The following PRPF6 variants were observed in gnomAD, a reference collection of about 807,000 sequenced individuals.
PRPF6 encodes the protein pre-mRNA-processing factor 6.
A neutral mutation model predicts 118.3 loss-of-function variants in PRPF6; 42 were observed. The ratio of observed to expected loss-of-function variants is 0.35; its 90% CI spans 0.28 to 0.46. PRPF6 has a LOEUF of 0.46. PRPF6 is among the 20% of genes least tolerant of loss of function. The pLI is 1.00. For synonymous variants in PRPF6, 481 were observed against 485.1 expected, an observed-to-expected ratio of 0.99 and a Z score of 0.11; for missense variants, 662 against 1,255.7, an observed-to-expected ratio of 0.53 and a Z score of 7.15.
At chr20:63,997,725 G>A (rs919645508) in intron 6 of PRPF6, among the ~76,000 whole-genome samples, 7 of 152,198 alleles carry the variant, frequency 4.6e-5, no homozygotes, top group Non-Finnish European at 1.0e-4. Flanking sequence ...AGGATGCTGG[G>A]ATTAGAAGTG....
Position 64,028,698 on chromosome 20 carries a change from G to T in PRPF6, c.2431+129G>T. 1 of 958,500 alleles carries T rather than the reference G, an allele frequency of 1.0e-6. No individual in the cohort carries two copies. Among genetic ancestry groups the T allele is most frequent in the Non-Finnish European group, 1.6e-6 (1 of 629,184 alleles). The allele number at this position is 958,500 out of a possible 1,614,324, so 59.4% of individuals were successfully genotyped here. ...GCTGGCACTTCCTGAGGGAGTGGGG[G>T]CTCAGGCTTCAGACGGACTTTATTA... On this transcript the variant is annotated intron_variant, in intron 18 of 20. Coordinates refer to ENST00000266079, the MANE Select transcript of PRPF6 (RefSeq NM_012469.4). The surrounding 1 kb of genome is among the most constrained non-coding windows in gnomAD (Gnocchi z 6.5).
At chr20:64,015,793 G>A (rs192198615) in intron 11 of PRPF6, among the ~76,000 whole-genome samples, 48 of 152,262 alleles carry the variant, frequency 3.2e-4, no homozygotes, top group African/African-American at 1.1e-3. Context: ...CATCTGATAC[G>A]TGCACAATGG....
At chr20:64,025,852 T>G in intron 14 of PRPF6, 87 bp from the exon 15 acceptor site, 1 of 1,609,758 alleles carries the variant, frequency 6.2e-7, no homozygotes, top group East Asian at 2.2e-5. Context: ...CTGGCTCAGT[T>G]CCTGCCTGCC....
chr20:64,003,141 T>A (rs1189640878), intron 9 of PRPF6, among the ~76,000 whole-genome samples: 2 of 152,038 alleles, frequency 1.3e-5, no homozygotes, highest in African/African-American at 2.4e-5. Context: ...GGGATCTTGC[T>A]GTGTTGTCCA....
chr20:63,997,457 ATTT>A (rs150179547), intron 6 of PRPF6, among the ~76,000 whole-genome samples: 4 of 132,526 alleles, frequency 3.0e-5, no homozygotes, highest in Admixed American at 7.6e-5. Flanking sequence ...AGCCCAGCTA[ATTT>A]TTTTTTTTTT....
chr20:63,989,378 C>A (rs879722247), intron 3 of PRPF6, among the ~76,000 whole-genome samples: 4 of 151,952 alleles, frequency 2.6e-5, no homozygotes, highest in Non-Finnish European at 4.4e-5. Context: ...TGTGGTGGCT[C>A]GCTCCCGTGA....
Position 63,995,529 on chromosome 20 carries a change from T to C in PRPF6, c.771+47T>C, listed in dbSNP as rs1221482167. 4 of 1,611,172 alleles carry C rather than the reference T, an allele frequency of 2.5e-6. No individual in the cohort carries two copies. In the Admixed American group the frequency reaches 6.7e-5, roughly 27 times the overall value. ...TTCCTGTGGACAGGTTTAGACAGTTTAATTTTGTTTTGTTTTCTTTTTCTC... is the reference window on the plus strand; with the variant it reads ...TTCCTGTGGACAGGTTTAGACAGTTCAATTTTGTTTTGTTTTCTTTTTCTC... On this transcript the variant is annotated intron_variant, in intron 6 of 20. Coordinates refer to ENST00000266079, the MANE Select transcript of PRPF6 (RefSeq NM_012469.4).
intron 9 of PRPF6, among the ~76,000 whole-genome samples, chr20:64,007,556 T>C (rs1177330873): frequency 2.0e-5 from 3 of 149,182 alleles, no homozygotes; most frequent in Non-Finnish European, 4.4e-5. Context: ...AACCTCCACC[T>C]CCTGGGCTCA....
rs752627203 is a variant in PRPF6, at chr20:64,028,577, G to C, written c.2431+8G>C. 2.5e-6 allele frequency: 4 copies of C among 1,608,554 alleles called. No homozygotes were observed. In the South Asian group the frequency reaches 4.4e-5, roughly 18 times the overall value. Reference sequence around the variant, plus strand: ...AGGAGTGCCCCAACTCCGGTAAGGGGGTGCCCCGACTCCGGTAAGGGGGTG... The same window carrying C: ...AGGAGTGCCCCAACTCCGGTAAGGGCGTGCCCCGACTCCGGTAAGGGGGTG... On this transcript the variant is annotated splice_region_variant and intron_variant, in intron 18 of 20. Transcript: ENST00000266079. This position sits in a 1 kb window ranked among gnomAD's most constrained non-coding sequence, Gnocchi z 6.5.
rs752986007 is a variant in PRPF6, at chr20:63,994,975, C to T, written c.498C>T (p.Ala166=). ...EWLSIPEVGD[A]RNKRQRNPRY... ...TGAGCATCCCCGAGGTTGGCGATGC[C>T]AGAAATAAACGTCAGCGGAACCCAC... The change falls in exon 5 of 21, where the codon GCC becomes GCT. Residue 166 remains alanine, a synonymous_variant. Transcript: ENST00000266079. 2.5e-6 allele frequency: 4 copies of T among 1,614,142 alleles called. No homozygotes were observed. The highest frequency in any genetic ancestry group is 3.4e-6 in the Non-Finnish European group (4 of 1,180,038).
chr20:64,022,213 A>G (rs529135512), intron 12 of PRPF6, among the ~76,000 whole-genome samples: 71 of 152,340 alleles, frequency 4.7e-4, no homozygotes, highest in African/African-American at 1.7e-3. Context: ...TGGAGTAAGC[A>G]CAGCTGTTTT....
In PRPF6 at chr20:64,027,251, G is replaced by A; in HGVS notation, c.2205+93G>A. On this transcript the variant is annotated intron_variant, in intron 16 of 20. Coordinates refer to ENST00000266079, the MANE Select transcript of PRPF6 (RefSeq NM_012469.4). The surrounding 1 kb of genome is among the most constrained non-coding windows in gnomAD (Gnocchi z 6.5). ...AGGGTCATTGCCCTTCGCCTCTGAG[G>A]AGATGTGGAGGGCTGGGGGTTACAG... is the stretch of plus-strand genomic sequence containing the variant. 6.7e-7 allele frequency: 1 copy of A among 1,485,948 alleles called. No homozygotes were observed. Among genetic ancestry groups the A allele is most frequent in the Non-Finnish European group, 9.2e-7 (1 of 1,082,674 alleles). The allele number at this position is 1,485,948 out of a possible 1,614,324, so 92.0% of individuals were successfully genotyped here.
intron 8 of PRPF6, among the ~76,000 whole-genome samples, chr20:63,999,990 C>T (rs1177221328): frequency 2.0e-5 from 3 of 148,826 alleles, no homozygotes; most frequent in Non-Finnish European, 4.4e-5. Context: ...CTCGCTCTGT[C>T]ACCCAGGCTG....
intron 12 of PRPF6, 27 bp downstream of exon 12, chr20:64,016,872 C>A (rs761277421): frequency 1.9e-6 from 3 of 1,613,308 alleles, no homozygotes; most frequent in Non-Finnish European, 2.5e-6. Context: ...GGCCTTTGTC[C>A]GTAATATGGA....
rs1488151302 is a variant in PRPF6 at position 64,011,600 on chromosome 20, G to C, written c.1524+97G>C. 2.2e-6 allele frequency: 3 copies of C among 1,359,250 alleles called. No homozygotes were observed. The highest frequency in any genetic ancestry group is 3.0e-6 in the Non-Finnish European group (3 of 984,548). The allele number at this position is 1,359,250 out of a possible 1,614,324, so 84.2% of individuals were successfully genotyped here. On this transcript the variant is annotated intron_variant, in intron 11 of 20. Coordinates refer to ENST00000266079, the MANE Select transcript of PRPF6 (RefSeq NM_012469.4). This position sits in a 1 kb window ranked among gnomAD's most constrained non-coding sequence, Gnocchi z 6.7. ...ACTGGGGGTTGCTGGATGGTACTGGGGAGTCCTGTGCCAAACCAGAAGCAG... is the reference window on the plus strand; with the variant it reads ...ACTGGGGGTTGCTGGATGGTACTGGCGAGTCCTGTGCCAAACCAGAAGCAG...
At chr20:64,004,458 TG>T (rs2059181112) in intron 9 of PRPF6, among the ~76,000 whole-genome samples, 1 of 152,276 alleles carries the variant, frequency 6.6e-6, no homozygotes, top group Non-Finnish European at 1.5e-5. Flanking sequence ...TTGAAGGGTC[TG>T]GTTTTTGAAA....
intron 3 of PRPF6, among the ~76,000 whole-genome samples, chr20:63,987,479 A>T (rs1195049224): frequency 6.7e-6 from 1 of 149,896 alleles, no homozygotes; most frequent in Non-Finnish European, 1.5e-5. Flanking sequence ...TGTCGCAAAG[A>T]AAAAAAAAAG....
chr20:64,031,934 CG>C lies in PRPF6; in HGVS notation c.2565del (p.Lys856ArgfsTer13). The C allele has an allele frequency of 6.2e-7, 1 of 1,614,104 alleles. No individual in the cohort carries two copies. The highest frequency in any genetic ancestry group is 8.5e-7 in the Non-Finnish European group (1 of 1,180,010). ...CTGGAACAGGCTGTTTTGGAGTCAG[CG>C]GAAGATCACCAAGGCCAGGGAGTGG... The part of the protein sequence containing the change: ...LAVAKLFWSQ[R>X]KITKAREWFH... On this transcript the variant is annotated frameshift_variant, in exon 20 of 21. Transcript: ENST00000266079. LOFTEE classifies it high-confidence loss of function.
At position 64,010,371 on chromosome 20, in the gene PRPF6, C is replaced by T. The variant is rs914476311; in HGVS notation, c.1305+53C>T. 4.3e-6 allele frequency: 6 copies of T among 1,406,476 alleles called. No individual in the cohort carries two copies. The African/African-American group carries it at 8.5e-5, about 20-fold the overall frequency. The allele number at this position is 1,406,476 out of a possible 1,614,324, so 87.1% of individuals were successfully genotyped here. A position where few individuals can be genotyped will look rare whatever the true frequency, so the allele number is the denominator to read the frequency against. On this transcript the variant is annotated intron_variant, in intron 10 of 20. Transcript: ENST00000266079. ...GAGCCCAAAGTGGCCAAGGCCTGAG[C>T]CCAGGTTCAGTGTCTGGAAGTGATG...
Sources: gnomAD v4.1 joint callset for allele counts (sites outside exome capture counted in the v4.1 genomes callset) on GRCh38, gnomAD v4.1.1 for gene constraint, Gnocchi (gnomAD v3.1) non-coding constraint, MANE v1.5 for transcripts, NCBI Gene and HGNC (gene_info 2026-07-23, HGNC 2026-07-21) for gene names.